TMEM201: variants seen among roughly 807,000 people sequenced by gnomAD.
The protein encoded by TMEM201 is RP13-15M17.2.
A neutral mutation model predicts 63.4 loss-of-function variants in TMEM201; 26 were observed. The observed-to-expected ratio is 0.41, with a 90% confidence interval of 0.30 to 0.57. TMEM201 has a LOEUF of 0.57. Among genes scored for constraint, TMEM201 ranks in the 20% least tolerant of loss-of-function variants. The pLI is 0.29. For missense variants in TMEM201, 794 were observed against 917.7 expected, an observed-to-expected ratio of 0.87 and a Z score of 1.74; for synonymous variants, 417 against 421.6, an observed-to-expected ratio of 0.99 and a Z score of 0.14.
chr1:9,610,958 C>T lies in TMEM201; in HGVS notation c.1765+153C>T. 6.6e-7 allele frequency: 1 copy of T among 1,516,148 alleles called. No homozygotes were observed. The highest frequency in any genetic ancestry group is 8.8e-7 in the Non-Finnish European group (1 of 1,134,522). 93.9% of individuals were successfully genotyped at this position (1,516,148 alleles called of 1,614,324 possible). On this transcript the variant is annotated intron_variant, in intron 9 of 10. Transcript: ENST00000340381. This position sits in a 1 kb window ranked among gnomAD's most constrained non-coding sequence, Gnocchi z 4.9. ...AGGCACCCCATTCCGGCTCTGGTGA[C>T]TTGAACCCTCTGGGACATTGACCTC...
rs754967338 is a variant in TMEM201 at position 9,603,425 on chromosome 1, G to T, written c.1160+1153G>T. ...TCCCGGCCTGGGGGCTTTATCCAGG[G>T]GTCCCAGTCGAGAGTGGCCCGAGGC... On this transcript the variant is annotated intron_variant, in intron 6 of 10. Coordinates refer to ENST00000340381, the MANE Select transcript of TMEM201 (RefSeq NM_001130924.3). This position sits in a 1 kb window ranked among gnomAD's most constrained non-coding sequence, Gnocchi z 4.5. 5.3e-5 allele frequency: 52 copies of T among 985,398 alleles called. No homozygotes were observed. Among genetic ancestry groups the T allele is most frequent in the Admixed American group, 6.1e-5 (1 of 16,276 alleles). 61.0% of individuals were successfully genotyped at this position (985,398 alleles called of 1,614,324 possible).
chr1:9,592,155 G>A (rs1185178346), intron 1 of TMEM201, among the ~76,000 whole-genome samples: 1 of 152,232 alleles, frequency 6.6e-6, no homozygotes, highest in Non-Finnish European at 1.5e-5. Context: ...CCCTGGCAGT[G>A]CTAAGTTCTG....
At chr1:9,602,435 C>G in intron 6 of TMEM201, 163 bp downstream of exon 6, 1 of 1,454,328 alleles carries the variant, frequency 6.9e-7, no homozygotes, top group African/African-American at 1.4e-5. Flanking sequence ...CCCTCCACTG[C>G]CTCGAAGAGT....
At position 9,604,242 on chromosome 1, in the gene TMEM201, T is replaced by C; in HGVS notation, c.1160+1970T>C. On this transcript the variant is annotated intron_variant, in intron 6 of 10. Transcript: ENST00000340381. This position sits in a 1 kb window ranked among gnomAD's most constrained non-coding sequence, Gnocchi z 4.1. ...ATCTGTGTGTATGTGCGTATTTAAA[T>C]TAGATTATTTATAATAACCAGAGCC... The C allele has an allele frequency of 1.0e-6, 1 of 985,444 alleles. No individual in the cohort carries two copies. The highest frequency in any genetic ancestry group is 1.2e-6 in the Non-Finnish European group (1 of 829,944). The allele number at this position is 985,444 out of a possible 1,614,324, so 61.0% of individuals were successfully genotyped here.
chr1:9,604,121 A>G lies in TMEM201; in HGVS notation c.1160+1849A>G, dbSNP rs1386861082. ...CGGGAAAGCGTCCTGTCGGCTGGCC[A>G]TGCTGTTGCTTGCGTCTCGAATCTT... On this transcript the variant is annotated intron_variant, in intron 6 of 10. Transcript: ENST00000340381. The surrounding 1 kb of genome is among the most constrained non-coding windows in gnomAD (Gnocchi z 4.1). 8.1e-6 allele frequency: 8 copies of G among 985,358 alleles called. No homozygotes were observed. The highest frequency in any genetic ancestry group is 3.5e-5 in the African/African-American group (2 of 57,244). 61.0% of individuals were successfully genotyped at this position (985,358 alleles called of 1,614,324 possible). A position where few individuals can be genotyped will look rare whatever the true frequency, so the allele number is the denominator to read the frequency against.
Position 9,598,388 on chromosome 1 carries a change from G to A in TMEM201, c.430-61G>A, listed in dbSNP as rs1295765865. On this transcript the variant is annotated intron_variant, in intron 3 of 10. Coordinates refer to ENST00000340381, the MANE Select transcript of TMEM201 (RefSeq NM_001130924.3). ...CAGGATCTGATTCCACGTCTGACCTGTAAGATGGAGGCAGCTCATCCACCC... is the reference window on the plus strand; with the variant it reads ...CAGGATCTGATTCCACGTCTGACCTATAAGATGGAGGCAGCTCATCCACCC... 6.4e-6 allele frequency: 10 copies of A among 1,568,720 alleles called. No individual in the cohort carries two copies. The Admixed American group carries it at 1.2e-4, about 19-fold the overall frequency.
chr1:9,610,777 G>T lies in TMEM201; in HGVS notation c.1737G>T (p.Pro579=), dbSNP rs755612018. The change falls in exon 9 of 11, where the codon CCG becomes CCT. Residue 579 remains proline, a synonymous_variant. Transcript: ENST00000340381. The surrounding 1 kb of genome is among the most constrained non-coding windows in gnomAD (Gnocchi z 4.9). ...TMEPPHVPRK[P]PLQDVKHALD... is the part of the protein sequence containing the mutation. Reference sequence around the variant, plus strand: ...AGCCGCCCCATGTTCCCCGGAAGCCGCCCCTGCAGGACGTGAAGCACGCCC... The same window carrying T: ...AGCCGCCCCATGTTCCCCGGAAGCCTCCCCTGCAGGACGTGAAGCACGCCC... 4.3e-5 allele frequency: 67 copies of T among 1,545,502 alleles called. No homozygotes were observed. Among genetic ancestry groups the T allele is most frequent in the South Asian group, 3.9e-4 (33 of 83,850 alleles).
chr1:9,595,369 GTCTC>G (rs1164574798), intron 1 of TMEM201, among the ~76,000 whole-genome samples: 1 of 152,196 alleles, frequency 6.6e-6, no homozygotes. Context: ...TCCTGGGACT[GTCTC>G]TCTCTGGAGC....
rs1287097155 is a variant in TMEM201 at position 9,610,648 on chromosome 1, G to A, written c.1608G>A (p.Lys536=). 2 of 1,550,688 alleles carry A rather than the reference G, an allele frequency of 1.3e-6. No homozygotes were observed. The highest frequency in any genetic ancestry group is 1.4e-5 in the African/African-American group (1 of 73,168). Residue 536 remains lysine, a synonymous_variant, in exon 9 of 11, where the codon AAG becomes AAA. Transcript: ENST00000340381. This position sits in a 1 kb window ranked among gnomAD's most constrained non-coding sequence, Gnocchi z 4.9. ...TCAGCCCTGCCCGGCTCAACCTGAA[G>A]GGACAGAAGCTGCTGCTGTTCCCGT... is the stretch of plus-strand genomic sequence containing the variant. ...PLISPARLNL[K]GQKLLLFPSP...
Position 9,598,645 on chromosome 1 carries a change from G to A in TMEM201, c.606+20G>A, listed in dbSNP as rs1569927792. ...GCACAGGTGAGAGGCGGCATCCACA[G>A]GGCGGGGGTGGGGGTGTTGAGTTTG... On this transcript the variant is annotated intron_variant, in intron 4 of 10. Transcript: ENST00000340381. 6.2e-6 allele frequency: 10 copies of A among 1,601,716 alleles called. No homozygotes were observed. Among genetic ancestry groups the A allele is most frequent in the East Asian group, 2.2e-5 (1 of 44,592 alleles).
intron 2 of TMEM201, among the ~76,000 whole-genome samples, chr1:9,596,307 T>C (rs1644019123): frequency 6.6e-6 from 1 of 152,262 alleles, no homozygotes; most frequent in Non-Finnish European, 1.5e-5. Flanking sequence ...CCCAGGTCTT[T>C]CTGGCTCTGC....
chr1:9,613,010 G>A lies in TMEM201; in HGVS notation c.1928G>A (p.Arg643Gln), dbSNP rs554735397. ...WRGRFGPSLV[R>Q]GLLAVSLAAN... ...GGTCGTTTCGGCCCTTCCCTGGTCCGGGGCCTCCTGGCCGTGAGCTTGGCC... is the reference window on the plus strand; with the variant it reads ...GGTCGTTTCGGCCCTTCCCTGGTCCAGGGCCTCCTGGCCGTGAGCTTGGCC... Residue 643 changes from arginine (R) to glutamine (Q), a missense_variant, in exon 11 of 11, where the codon CGG becomes CAG. Transcript: ENST00000340381. 111 of 1,551,422 alleles carry A rather than the reference G, an allele frequency of 7.2e-5. No homozygotes were observed. The highest frequency in any genetic ancestry group is 6.4e-4 in the African/African-American group (47 of 73,180).
intron 10 of TMEM201, 21 bp from the exon 11 acceptor site, chr1:9,612,953 AAACAATGTTCTG>A: frequency 6.5e-7 from 1 of 1,548,310 alleles, no homozygotes; most frequent in Non-Finnish European, 8.7e-7. Flanking sequence ...CCACCCACCC[AAACAATGTTCTG>A]ACCAGGTCTC....
rs1644316873 is a variant in TMEM201, at chr1:9,610,991, T to C, written c.1765+186T>C. The stretch of plus-strand genomic sequence containing the variant: ...CTCTGGGACATTGACCTCTAATGGC[T>C]GATTTCAGTTTCTCCTTTTGCAGTT... On this transcript the variant is annotated intron_variant, in intron 9 of 10. Transcript: ENST00000340381. The surrounding 1 kb of genome is among the most constrained non-coding windows in gnomAD (Gnocchi z 4.9). 1.3e-6 allele frequency: 2 copies of C among 1,532,958 alleles called. No homozygotes were observed. Among genetic ancestry groups the C allele is most frequent in the African/African-American group, 2.7e-5 (2 of 73,016 alleles). 95.0% of individuals were successfully genotyped at this position (1,532,958 alleles called of 1,614,324 possible).
At chr1:9,601,019 C>A in intron 4 of TMEM201, 86 bp from the exon 5 acceptor site, 1 of 1,252,136 alleles carries the variant, frequency 8.0e-7, no homozygotes, top group Non-Finnish European at 1.1e-6. Context: ...TGGGTCTGGC[C>A]AGAACCCCGC....
intron 4 of TMEM201, among the ~76,000 whole-genome samples, chr1:9,599,519 T>C (rs1360811328): frequency 6.6e-6 from 1 of 152,240 alleles, no homozygotes; most frequent in African/African-American, 2.4e-5. Flanking sequence ...CCTCCCAAAG[T>C]GCTGGGATTA....
chr1:9,603,661 G>T lies in TMEM201; in HGVS notation c.1160+1389G>T. 38 of 985,406 alleles carry T rather than the reference G, an allele frequency of 3.9e-5. No homozygotes were observed. The highest frequency in any genetic ancestry group is 4.5e-5 in the Non-Finnish European group (37 of 829,960). 61.0% of individuals were successfully genotyped at this position (985,406 alleles called of 1,614,324 possible). On this transcript the variant is annotated intron_variant, in intron 6 of 10. Coordinates refer to ENST00000340381, the MANE Select transcript of TMEM201 (RefSeq NM_001130924.3). This position sits in a 1 kb window ranked among gnomAD's most constrained non-coding sequence, Gnocchi z 4.5. ...TCACCTGGGTCTGCCGGGATGGGTT[G>T]GGGGGGCAGGTGCCAGGCCTCACTG...
chr1:9,613,233 GC>G lies in TMEM201; in HGVS notation c.*154del. ...GACTGTGACTGTCCTCAGGACACCT[GC>G]CCCTCCTCACCTAACGGACTGCAGG... On this transcript the variant is annotated 3_prime_UTR_variant, in exon 11 of 11. Coordinates refer to ENST00000340381, the MANE Select transcript of TMEM201 (RefSeq NM_001130924.3). 1 of 689,542 alleles carries G rather than the reference GC, an allele frequency of 1.5e-6. No homozygotes were observed. The highest frequency in any genetic ancestry group is 1.8e-5 in the South Asian group (1 of 55,834). 42.7% of individuals were successfully genotyped at this position (689,542 alleles called of 1,614,324 possible). A position where few individuals can be genotyped will look rare whatever the true frequency, so the allele number is the denominator to read the frequency against.
At chr1:9,597,213 CTT>C (rs1644041732) in intron 3 of TMEM201, among the ~76,000 whole-genome samples, 160 bp downstream of exon 3, 1 of 152,264 alleles carries the variant, frequency 6.6e-6, no homozygotes, top group Non-Finnish European at 1.5e-5. Context: ...CCCCCTCATC[CTT>C]GCCACTGCCA....
Sources: gnomAD v4.1 joint callset for allele counts (sites outside exome capture counted in the v4.1 genomes callset) on GRCh38, gnomAD v4.1.1 for gene constraint, Gnocchi (gnomAD v3.1) non-coding constraint, MANE v1.5 for transcripts, NCBI Gene and HGNC (gene_info 2026-07-23, HGNC 2026-07-21) for gene names.